The following DOCK7 variants were observed in gnomAD, a reference collection of about 807,000 sequenced individuals.
DOCK7 encodes dedicator of cytokinesis protein 7.
Under a neutral mutation model 271.0 loss-of-function variants are expected in DOCK7, and 138 were observed. That is an observed-to-expected ratio of 0.51 (90% CI 0.44 to 0.59). DOCK7 has a LOEUF of 0.59. DOCK7 is among the 20% of genes least tolerant of loss of function. The probability of loss-of-function intolerance (pLI) is 0.00; values close to 1 mark genes in which losing one functional copy is unlikely to be tolerated. For synonymous variants in DOCK7, 823 were observed against 876.1 expected, an observed-to-expected ratio of 0.94 and a Z score of 1.07; for missense variants, 2,066 against 2,592.4, an observed-to-expected ratio of 0.80 and a Z score of 4.41.
intron 14 of DOCK7, among the ~76,000 whole-genome samples, chr1:62,603,638 TAA>T (rs1171356428): frequency 6.6e-6 from 1 of 151,782 alleles, no homozygotes; most frequent in Non-Finnish European, 1.5e-5. Context: ...TTTATCCATA[TAA>T]AGACTTGCAA....
At chr1:62,542,041 T>TA (rs953998968) in intron 25 of DOCK7, among the ~76,000 whole-genome samples, 23 of 152,158 alleles carry the variant, frequency 1.5e-4, no homozygotes, top group African/African-American at 5.3e-4. Context: ...TTAGCTAATT[T>TA]AAAAAAAAAT....
At chr1:62,631,889 T>C (rs576403644) in intron 10 of DOCK7, among the ~76,000 whole-genome samples, 1 of 151,596 alleles carries the variant, frequency 6.6e-6, no homozygotes, top group Non-Finnish European at 1.5e-5. Flanking sequence ...AAGCTCAGAG[T>C]TGTAACAAAA....
intron 10 of DOCK7, among the ~76,000 whole-genome samples, chr1:62,631,944 G>A (rs1225330255): frequency 1.3e-5 from 2 of 152,138 alleles, no homozygotes; most frequent in South Asian, 2.1e-4. Context: ...AAGACTAAAC[G>A]CTGGAAAAAG....
rs185569762 is a variant in DOCK7, at chr1:62,591,385, A to G, written c.1683-4761T>C. ...TGGAGGAGAGAGAGGAGCAGAAAAG[A>G]TAACTATTGGGTACTGGGCTTAATA... On this transcript the variant is annotated intron_variant, in intron 14 of 49. Transcript: ENST00000635253. Among the ~76,000 whole-genome samples, 27 of 152,274 alleles carry G rather than the reference A, an allele frequency of 1.8e-4. No individual in the cohort carries two copies. In the East Asian group the frequency reaches 4.6e-3, roughly 26 times the overall value.
At chr1:62,591,287 T>C (rs1236052657) in intron 14 of DOCK7, among the ~76,000 whole-genome samples, 1 of 152,040 alleles carries the variant, frequency 6.6e-6, no homozygotes, top group Non-Finnish European at 1.5e-5. Flanking sequence ...TTAGAAGTTG[T>C]AGCTAAATGA....
At chr1:62,590,125 G>A (rs1488930399) in intron 14 of DOCK7, among the ~76,000 whole-genome samples, 1 of 152,056 alleles carries the variant, frequency 6.6e-6, no homozygotes, top group East Asian at 1.9e-4. Context: ...AGCCAAGTTA[G>A]GCAAGTACTG....
At chr1:62,584,314 A>G (rs949306795) in intron 15 of DOCK7, 14 of 982,736 alleles carry the variant, frequency 1.4e-5, no homozygotes, top group Non-Finnish European at 1.7e-5. Context: ...TGTTTTCATA[A>G]ATTGTTCCTG....
intron 14 of DOCK7, among the ~76,000 whole-genome samples, chr1:62,593,430 C>T (rs1338535603): frequency 1.3e-5 from 2 of 151,936 alleles, no homozygotes; most frequent in African/African-American, 2.4e-5. Flanking sequence ...ATTAGCCAGG[C>T]TTGGTTGGGG....
intron 1 of DOCK7, among the ~76,000 whole-genome samples, chr1:62,665,595 C>G (rs1425591647): frequency 6.7e-6 from 1 of 150,074 alleles, no homozygotes; most frequent in Non-Finnish European, 1.5e-5. Context: ...GTCCCAGCTA[C>G]TTGGGAGGCT....
At chr1:62,687,585 G>A (rs796264117) in intron 1 of DOCK7, 1 of 152,372 alleles carries the variant, frequency 6.6e-6, no homozygotes, top group African/African-American at 2.4e-5. Context: ...CACCGAAGGT[G>A]CAGCCCGCAG....
intron 18 of DOCK7, among the ~76,000 whole-genome samples, chr1:62,572,814 C>T (rs753267064): frequency 6.6e-6 from 1 of 152,092 alleles, no homozygotes; most frequent in Non-Finnish European, 1.5e-5. Flanking sequence ...CAATCTGTTC[C>T]ATAGCAGAGA....
intron 14 of DOCK7, among the ~76,000 whole-genome samples, chr1:62,590,585 A>G (rs907452302): frequency 6.6e-6 from 1 of 152,186 alleles, no homozygotes; most frequent in African/African-American, 2.4e-5. Flanking sequence ...TCAGACAAGC[A>G]AATAATGATA....
intron 3 of DOCK7, 79 bp downstream of exon 3, chr1:62,653,905 A>C: frequency 6.5e-7 from 1 of 1,528,780 alleles, no homozygotes; most frequent in Non-Finnish European, 8.9e-7. Context: ...TGCTATAAGA[A>C]GTAGGCTCTA....
At position 62,495,890 on chromosome 1, in the gene DOCK7, T is replaced by C. The variant is rs1646605635; in HGVS notation, c.4924-209A>G. ...TAAATTCCTCAGCAGACTATGTTTA[T>C]TTTTGTTCTTTCACCTGGAAACAAG... On this transcript the variant is annotated intron_variant, in intron 38 of 49. Transcript: ENST00000635253. 4 of 433,980 alleles carry C rather than the reference T, an allele frequency of 9.2e-6. No individual in the cohort carries two copies. The South Asian group carries it at 2.0e-4, about 21-fold the overall frequency. 26.9% of individuals were successfully genotyped at this position (433,980 alleles called of 1,614,324 possible).
At chr1:62,477,379 A>G (rs539351333) in intron 44 of DOCK7, among the ~76,000 whole-genome samples, 1 of 152,266 alleles carries the variant, frequency 6.6e-6, no homozygotes, top group East Asian at 1.9e-4. Flanking sequence ...ATTAGCTACT[A>G]CTTAATTCTT....
At chr1:62,570,404 G>C (rs1043946506) in intron 18 of DOCK7, among the ~76,000 whole-genome samples, 2 of 152,126 alleles carry the variant, frequency 1.3e-5, no homozygotes, top group African/African-American at 4.8e-5. Context: ...AATCAGAGAG[G>C]ACACAAACAA....
rs1052964502 is a variant in DOCK7, at chr1:62,688,215, C to G, written c.38+12G>C. The G allele has an allele frequency of 1.1e-4, 153 of 1,379,962 alleles. No individual in the cohort carries two copies. In the East Asian group the frequency reaches 4.2e-3, roughly 38 times the overall value. 85.5% of individuals were successfully genotyped at this position (1,379,962 alleles called of 1,614,324 possible). A position where few individuals can be genotyped will look rare whatever the true frequency, so the allele number is the denominator to read the frequency against. ...GGCGGCGGCGGCGGCGCGCCCCACG[C>G]CGGATATTTACCTGCTGATCTTCTG... is the stretch of plus-strand genomic sequence containing the variant. On this transcript the variant is annotated intron_variant, in intron 1 of 49. Coordinates refer to ENST00000635253, the MANE Select transcript of DOCK7 (RefSeq NM_001367561.1).
At chr1:62,577,446 C>G (rs1357101697) in intron 17 of DOCK7, 83 bp from the exon 18 acceptor site, 6 of 985,568 alleles carry the variant, frequency 6.1e-6, no homozygotes, top group Non-Finnish European at 8.6e-6. Flanking sequence ...GAACTTGGTA[C>G]AAGCCAAATT....
chr1:62,543,866 A>G (rs1379666599), intron 23 of DOCK7, 121 bp from the exon 24 acceptor site: 9 of 597,726 alleles, frequency 1.5e-5, no homozygotes, highest in Non-Finnish European at 2.5e-5. Context: ...AAAACCATCT[A>G]TTTTATTGCT....
Sources: allele counts gnomAD v4.1 joint callset (sites outside exome capture counted in the v4.1 genomes callset), GRCh38; gene constraint gnomAD v4.1.1; transcripts MANE v1.5; gene names NCBI Gene and HGNC (gene_info 2026-07-23, HGNC 2026-07-21).